KYNU: variants seen among roughly 807,000 people sequenced by gnomAD.
KYNU encodes the protein kynureninase, also known as L-kynurenine hydrolase.
A neutral mutation model predicts 59.2 loss-of-function variants in KYNU; 54 were observed. That is an observed-to-expected ratio of 0.91 (90% CI 0.73 to 1.14). KYNU has a LOEUF of 1.14. KYNU is among the 50% of genes most tolerant of loss of function. The pLI, the probability that KYNU is intolerant of heterozygous loss-of-function variation, is 0.00. For missense variants in KYNU, 567 were observed against 554.4 expected, an observed-to-expected ratio of 1.02 and a Z score of -0.23; for synonymous variants, 177 against 192.0, an observed-to-expected ratio of 0.92 and a Z score of 0.65.
intron 4 of KYNU, among the ~76,000 whole-genome samples, chr2:142,942,180 A>T (rs1432520768): frequency 6.6e-6 from 1 of 151,758 alleles, no homozygotes; most frequent in Non-Finnish European, 1.5e-5. Flanking sequence ...AAAAAGAAAA[A>T]AAAAAAAGAA....
intron 11 of KYNU, among the ~76,000 whole-genome samples, chr2:143,030,172 A>G (rs933118811): frequency 1.3e-5 from 2 of 152,246 alleles, no homozygotes; most frequent in African/African-American, 4.8e-5. Context: ...GCTCAAAACA[A>G]TAAGCCAAGT....
intron 2 of KYNU, among the ~76,000 whole-genome samples, chr2:142,909,664 G>T (rs2104967588): frequency 6.6e-6 from 1 of 152,078 alleles, no homozygotes; most frequent in South Asian, 2.1e-4. Flanking sequence ...AGTATTTCTT[G>T]GTGTATTTGT....
rs1180457951 is a variant in KYNU at position 142,930,078 on chromosome 2, C to CT, written c.373+2340dup. ...TGGGGTAAAATATTTTGATTTTCTTCTTTATCTGTCATTTGATGTTACGCC... is the reference window on the plus strand; with the variant it reads ...TGGGGTAAAATATTTTGATTTTCTTCTTTTATCTGTCATTTGATGTTACGCC... On this transcript the variant is annotated intron_variant, in intron 4 of 13. Transcript: ENST00000264170. Among the ~76,000 whole-genome samples the CT allele has an allele frequency of 3.9e-5, 6 of 152,218 alleles. No individual in the cohort carries two copies. In the East Asian group the frequency reaches 1.2e-3, roughly 29 times the overall value.
intron 2 of KYNU, among the ~76,000 whole-genome samples, chr2:142,912,371 CTTTTTTTTTTT>C (rs60854220): frequency 2.2e-5 from 2 of 89,512 alleles, no homozygotes; most frequent in East Asian, 3.3e-4. Context: ...TTTTGTATTT[CTTTTTTTTTTT>C]TTTTTTTTTT....
At chr2:143,023,421 A>G (rs554499441) in intron 10 of KYNU, among the ~76,000 whole-genome samples, 1 of 152,044 alleles carries the variant, frequency 6.6e-6, no homozygotes, top group South Asian at 2.1e-4. Context: ...GAAAGCTATA[A>G]TCTTTATTTC....
chr2:143,047,151 A>C lies in KYNU; in HGVS notation c.*4979A>C, dbSNP rs547714974. The stretch of plus-strand genomic sequence containing the variant: ...GTGATTATAGCTCACTGCAGTCTCA[A>C]CCTCCTGGGCTCAAGTGATCCTCCC... On this transcript the variant is annotated 3_prime_UTR_variant, in exon 14 of 14. Coordinates refer to ENST00000264170, the MANE Select transcript of KYNU (RefSeq NM_003937.3). 2 of 152,104 alleles carry C rather than the reference A, an allele frequency of 1.3e-5. No individual in the cohort carries two copies. Among genetic ancestry groups the C allele is most frequent in the African/African-American group, 2.4e-5 (1 of 41,508 alleles). The allele number at this position is 152,104 out of a possible 1,614,324, so 9.4% of individuals were successfully genotyped here.
chr2:143,032,711 T>TTGTGTGTGTGTG (rs61062901), intron 11 of KYNU, among the ~76,000 whole-genome samples: 15,888 of 129,314 alleles, frequency 0.12, 1,279 homozygotes, highest in East Asian at 0.22. Context: ...GCTCCCTCTA[T>TTGTGTGTGTGTG]TGTGTGTGTG....
chr2:142,942,069 C>T (rs1251742138), intron 4 of KYNU, among the ~76,000 whole-genome samples: 1 of 148,058 alleles, frequency 6.8e-6, no homozygotes, highest in African/African-American at 2.5e-5. Context: ...CCCAGCTATT[C>T]GAAAGGCTGA....
At position 142,953,805 on chromosome 2, in the gene KYNU, C is replaced by T. The variant is rs566496947; in HGVS notation, c.374-1005C>T. On this transcript the variant is annotated intron_variant, in intron 4 of 13. Transcript: ENST00000264170. ...TGACCCAATAAAGATACAGGTCCTTCCTTAAATGGCTATGTTGAAATATAA... is the reference window on the plus strand; with the variant it reads ...TGACCCAATAAAGATACAGGTCCTTTCTTAAATGGCTATGTTGAAATATAA... Among the ~76,000 whole-genome samples, 158 of 152,290 alleles carry T rather than the reference C, an allele frequency of 1.0e-3. 1 individual carries two copies. In the Middle Eastern group the frequency reaches 0.014, roughly 13 times the overall value.
chr2:142,918,956 C>T (rs1682774869), intron 3 of KYNU, among the ~76,000 whole-genome samples: 1 of 152,186 alleles, frequency 6.6e-6, no homozygotes, highest in South Asian at 2.1e-4. Flanking sequence ...AGGCCTATGC[C>T]ATATACTTTA....
chr2:143,050,537 C>G lies in KYNU; in HGVS notation c.*8365C>G, dbSNP rs1687247705. On this transcript the variant is annotated 3_prime_UTR_variant, in exon 14 of 14. Transcript: ENST00000264170. ...TGTATATATACCACATTTTCTTCAT[C>G]CAGTCATGCAAATTTATATGAATGT... is the stretch of plus-strand genomic sequence containing the variant. The G allele has an allele frequency of 6.6e-6, 1 of 152,126 alleles. No individual in the cohort carries two copies. Among genetic ancestry groups the G allele is most frequent in the Non-Finnish European group, 1.5e-5 (1 of 68,034 alleles). The allele number at this position is 152,126 out of a possible 1,614,324, so 9.4% of individuals were successfully genotyped here.
chr2:143,031,503 C>G (rs147775709), intron 11 of KYNU, among the ~76,000 whole-genome samples: 1 of 151,638 alleles, frequency 6.6e-6, no homozygotes, highest in East Asian at 2.0e-4. Context: ...GCAGATGGAT[C>G]AATTGATCAC....
chr2:142,985,078 C>G lies in KYNU; in HGVS notation c.730-6C>G. ...ACTTAAAGCTTATTATTGTGTTCTT[C>G]CCTAGGGTTGTTATGTTGGCTTTGA... On this transcript the variant is annotated splice_region_variant and splice_polypyrimidine_tract_variant and intron_variant, in intron 8 of 13. Transcript: ENST00000264170. The G allele has an allele frequency of 6.5e-7, 1 of 1,541,308 alleles. No individual in the cohort carries two copies. The highest frequency in any genetic ancestry group is 9.0e-7 in the Non-Finnish European group (1 of 1,114,280).
intron 8 of KYNU, among the ~76,000 whole-genome samples, chr2:142,970,363 A>G (rs16858432): frequency 0.05 from 7,595 of 152,284 alleles, 191 homozygotes; most frequent in South Asian, 0.059. Flanking sequence ...GTGTCTATGC[A>G]ATATTATCAA....
At chr2:143,003,813 G>T (rs2105189409) in intron 10 of KYNU, among the ~76,000 whole-genome samples, 1 of 152,300 alleles carries the variant, frequency 6.6e-6, no homozygotes, top group East Asian at 1.9e-4. Flanking sequence ...TCAAAGAGAA[G>T]AGGGAAATAA....
At chr2:143,007,087 C>T (rs1394436542) in intron 10 of KYNU, among the ~76,000 whole-genome samples, 1 of 152,000 alleles carries the variant, frequency 6.6e-6, no homozygotes, top group Non-Finnish European at 1.5e-5. Flanking sequence ...GAGAAGAAGG[C>T]TTCAGACGAT....
chr2:142,946,083 A>G (rs1228100535), intron 4 of KYNU, among the ~76,000 whole-genome samples: 1 of 150,956 alleles, frequency 6.6e-6, no homozygotes, highest in Non-Finnish European at 1.5e-5. Context: ...TTTGTTTTTT[A>G]TTTTTATTTT....
At chr2:143,006,337 G>A (rs963931553) in intron 10 of KYNU, among the ~76,000 whole-genome samples, 4 of 151,906 alleles carry the variant, frequency 2.6e-5, no homozygotes, top group South Asian at 4.2e-4. Flanking sequence ...CGAATACTGC[G>A]CTTTTCTGAT....
At chr2:142,948,871 A>G (rs536947777) in intron 4 of KYNU, among the ~76,000 whole-genome samples, 1 of 152,368 alleles carries the variant, frequency 6.6e-6, no homozygotes, top group African/African-American at 2.4e-5. Context: ...AAAAGTCCAC[A>G]GTCCAAAGTC....
Sources: gnomAD v4.1 joint callset for allele counts (sites outside exome capture counted in the v4.1 genomes callset) on GRCh38, gnomAD v4.1.1 for gene constraint, MANE v1.5 for transcripts, NCBI Gene and HGNC (gene_info 2026-07-23, HGNC 2026-07-21) for gene names.